The following MEGF9 variants were observed in gnomAD, a reference collection of about 807,000 sequenced individuals.
MEGF9 encodes multiple epidermal growth factor-like domains protein 9.
In MEGF9, 6 loss-of-function variants were observed where a neutral mutation model predicts 46.8. That is an observed-to-expected ratio of 0.13 (90% CI 0.07 to 0.25). MEGF9 has a LOEUF of 0.25. MEGF9 is among the 10% of genes least tolerant of loss of function. The pLI, the probability that MEGF9 is intolerant of heterozygous loss-of-function variation, is 1.00. For missense variants in MEGF9, 683 were observed against 792.4 expected (o/e 0.86, Z 1.66); for synonymous variants, 302 against 330.7 (o/e 0.91, Z 0.94).
intron 1 of MEGF9, among the ~76,000 whole-genome samples, chr9:120,671,989 G>C (rs2132328444): frequency 6.6e-6 from 1 of 152,280 alleles, no homozygotes; most frequent in African/African-American, 2.4e-5. Context: ...CCTGTTAGCA[G>C]ACTAAAGAAA....
chr9:120,713,861 C>T lies in MEGF9; in HGVS notation c.498G>A (p.Ala166=). 7.7e-7 allele frequency: 1 copy of T among 1,301,728 alleles called. No homozygotes were observed. Among genetic ancestry groups the T allele is most frequent in the Non-Finnish European group, 9.8e-7 (1 of 1,022,808 alleles). 80.6% of individuals were successfully genotyped at this position (1,301,728 alleles called of 1,614,324 possible). The change falls in exon 1 of 6, where the codon GCG becomes GCA. Residue 166 remains alanine (A), a synonymous_variant. Coordinates refer to ENST00000373930, the MANE Select transcript of MEGF9 (RefSeq NM_001080497.3). ...GGGTCGGGGTCCGGGGAGTCGTGGG[C>T]GCCGGTACGGTGGTCGCTACAGGGG... The part of the protein sequence containing the change: ...PTTPVATTVP[A]PTTPRTPTPD...
At chr9:120,678,006 C>G (rs2043781129) in intron 1 of MEGF9, among the ~76,000 whole-genome samples, 1 of 152,104 alleles carries the variant, frequency 6.6e-6, no homozygotes, top group African/African-American at 2.4e-5. Context: ...ACTTTTAGGT[C>G]CCACAAATAA....
At chr9:120,659,325 T>TC in intron 2 of MEGF9, 49 bp downstream of exon 2, 1 of 1,538,360 alleles carries the variant, frequency 6.5e-7, no homozygotes, top group Non-Finnish European at 8.9e-7. Flanking sequence ...GCCTTTTTTT[T>TC]CCCCTTGCTA....
At chr9:120,711,907 C>T (rs557715428) in intron 1 of MEGF9, among the ~76,000 whole-genome samples, 11 of 151,236 alleles carry the variant, frequency 7.3e-5, no homozygotes, top group African/African-American at 2.2e-4. Flanking sequence ...CTAACACACA[C>T]GGTGCTTATT....
intron 2 of MEGF9, among the ~76,000 whole-genome samples, chr9:120,647,748 T>C (rs1379934931): frequency 1.3e-5 from 2 of 152,230 alleles, no homozygotes; most frequent in Admixed American, 1.3e-4. Flanking sequence ...TTCAAGTGTC[T>C]GCCAGACATC....
At chr9:120,699,511 A>C (rs2043893605) in intron 1 of MEGF9, among the ~76,000 whole-genome samples, 1 of 151,842 alleles carries the variant, frequency 6.6e-6, no homozygotes. Context: ...TGAAGCCAGG[A>C]GTATAGTATC....
intron 3 of MEGF9, among the ~76,000 whole-genome samples, chr9:120,619,111 C>T (rs1325073563): frequency 6.6e-6 from 1 of 151,978 alleles, no homozygotes; most frequent in Admixed American, 6.6e-5. Flanking sequence ...TTTAGGAGGC[C>T]GAGGCAGGCG....
In MEGF9 at chr9:120,605,562, A is replaced by T; in HGVS notation, c.1437T>A (p.Val479=). Residue 479 remains valine (V), a synonymous_variant, in exon 6 of 6, where the codon GTT becomes GTA. Coordinates refer to ENST00000373930, the MANE Select transcript of MEGF9 (RefSeq NM_001080497.3). This position sits in a 1 kb window ranked among gnomAD's most constrained non-coding sequence, Gnocchi z 4.0. ...TTGTAGGGGTAAAAGTACTATTTATAACAGGGGTGGGCACTGATGTGGTCA... is the reference window on the plus strand; with the variant it reads ...TTGTAGGGGTAAAAGTACTATTTATTACAGGGGTGGGCACTGATGTGGTCA... ...ASLTTSVPTP[V]INSTFTPTTL... 1 of 1,609,720 alleles carries T rather than the reference A, an allele frequency of 6.2e-7. No homozygotes were observed. Among genetic ancestry groups the T allele is most frequent in the Non-Finnish European group, 8.5e-7 (1 of 1,177,464 alleles).
At chr9:120,634,937 T>C (rs1444459994) in intron 2 of MEGF9, among the ~76,000 whole-genome samples, 1 of 152,238 alleles carries the variant, frequency 6.6e-6, no homozygotes, top group African/African-American at 2.4e-5. Flanking sequence ...TTTTTCATAA[T>C]AGTGATTATT....
intron 2 of MEGF9, among the ~76,000 whole-genome samples, chr9:120,636,849 G>C (rs1041533212): frequency 1.4e-4 from 16 of 115,380 alleles, no homozygotes; most frequent in Admixed American, 1.3e-3. Flanking sequence ...CGCCCCGTCT[G>C]GGGGGTGGGG....
At chr9:120,664,619 T>A (rs2043716852) in intron 1 of MEGF9, among the ~76,000 whole-genome samples, 1 of 152,212 alleles carries the variant, frequency 6.6e-6, no homozygotes, top group Non-Finnish European at 1.5e-5. Flanking sequence ...GAAGACTACT[T>A]GTGGCTATAA....
chr9:120,661,325 G>A (rs535334243), intron 1 of MEGF9, among the ~76,000 whole-genome samples: 97 of 152,200 alleles, frequency 6.4e-4, no homozygotes, highest in African/African-American at 1.7e-3. Flanking sequence ...ACCAGCCTGG[G>A]CAACATAGTG....
chr9:120,657,180 A>C (rs2043681098), intron 2 of MEGF9, among the ~76,000 whole-genome samples: 1 of 152,212 alleles, frequency 6.6e-6, no homozygotes, highest in African/African-American at 2.4e-5. Flanking sequence ...TTCCAATAAA[A>C]CTTTACAAAA....
At chr9:120,690,384 T>C (rs2043842900) in intron 1 of MEGF9, among the ~76,000 whole-genome samples, 2 of 152,176 alleles carry the variant, frequency 1.3e-5, no homozygotes, top group South Asian at 4.1e-4. Flanking sequence ...TGTGTGTATA[T>C]ATTAAAGGAT....
At chr9:120,674,686 A>G (rs113924649) in intron 1 of MEGF9, among the ~76,000 whole-genome samples, 2,878 of 151,876 alleles carry the variant, frequency 0.019, 90 homozygotes, top group African/African-American at 0.063. Context: ...CTCCTGCCTC[A>G]GCCTCCTAAG....
rs562489709 is a variant in MEGF9, at chr9:120,638,316, T to G, written c.804-15561A>C. 2.0e-4 allele frequency among the ~76,000 whole-genome samples: 31 copies of G among 152,364 alleles called. No homozygotes were observed. The South Asian group carries it at 6.4e-3, about 32-fold the overall frequency. On this transcript the variant is annotated intron_variant, in intron 2 of 5. Transcript: ENST00000373930. ...TGAAAAAGTAATTATTAATACCTAA[T>G]TTTTGTATTTGCTGTATTCCAAAAA...
intron 1 of MEGF9, among the ~76,000 whole-genome samples, chr9:120,680,501 G>A (rs1244190041): frequency 6.6e-6 from 1 of 152,118 alleles, no homozygotes; most frequent in Non-Finnish European, 1.5e-5. Context: ...CCTGTGCTGA[G>A]CCACCTGAAA....
intron 1 of MEGF9, among the ~76,000 whole-genome samples, chr9:120,709,861 C>A (rs1355975945): frequency 6.6e-6 from 1 of 151,818 alleles, no homozygotes; most frequent in African/African-American, 2.4e-5. Context: ...CCAGCCTGGC[C>A]AACATGGTGA....
chr9:120,692,947 G>A (rs912391131), intron 1 of MEGF9, among the ~76,000 whole-genome samples: 2 of 152,062 alleles, frequency 1.3e-5, no homozygotes, highest in African/African-American at 2.4e-5. Flanking sequence ...CACTATGATA[G>A]AACTTACCAT....
Sources: gnomAD v4.1 joint callset for allele counts (sites outside exome capture counted in the v4.1 genomes callset) on GRCh38, gnomAD v4.1.1 for gene constraint, Gnocchi (gnomAD v3.1) non-coding constraint, MANE v1.5 for transcripts, NCBI Gene and HGNC (gene_info 2026-07-23, HGNC 2026-07-21) for gene names.